Variants in CDK11A observed in about 807,000 individuals in gnomAD.
CDK11A encodes the protein cyclin dependent kinase 11A.
Under a neutral mutation model 83.6 loss-of-function variants are expected in CDK11A, and 55 were observed. That is an observed-to-expected ratio of 0.66 (90% CI 0.53 to 0.82). The LOEUF (loss-of-function observed/expected upper bound fraction) is 0.82. Among genes scored for constraint, CDK11A ranks in the 40% least tolerant of loss-of-function variants. The probability of loss-of-function intolerance (pLI) is 0.00; values close to 1 mark genes in which losing one functional copy is unlikely to be tolerated. For synonymous variants in CDK11A, 247 were observed against 302.7 expected (o/e 0.82, Z 1.91); for missense variants, 564 against 810.1 (o/e 0.70, Z 3.69).
chr1:1,703,799 G>C (rs745860210), intron 17 of CDK11A, 25 bp downstream of exon 17: 1 of 1,608,134 alleles, frequency 6.2e-7, no homozygotes, highest in South Asian at 1.1e-5. Flanking sequence ...AATCCATAGC[G>C]CACCTGCGGC....
Position 1,722,728 on chromosome 1 carries a change from C to T in CDK11A, c.91G>A (p.Glu31Lys). 6.5e-7 allele frequency: 1 copy of T among 1,539,056 alleles called. No individual in the cohort carries two copies. The highest frequency in any genetic ancestry group is 8.8e-7 in the Non-Finnish European group (1 of 1,141,600). The change falls in exon 2 of 20, where the codon GAG (glutamate) becomes AAG (lysine). Residue 31 changes from glutamate to lysine, a missense_variant. Glu to Lys is a moderately conservative substitution (Grantham distance 56). Coordinates refer to ENST00000404249, the MANE Select transcript of CDK11A (RefSeq NM_024011.4). ...CTTACATTTTTTAAGCGTTTTATCT[C>T]TGCTTTCTCCTCTTGTTCCTTCCTT... ...KRRKEQEEKAEIKRLKNSDDR... is the reference protein window; with the variant it reads ...KRRKEQEEKAKIKRLKNSDDR...
chr1:1,717,052 A>T (rs1368237810), intron 4 of CDK11A, among the ~76,000 whole-genome samples: 1 of 118,116 alleles, frequency 8.5e-6, no homozygotes, highest in African/African-American at 2.8e-5. Context: ...CACTGCACCC[A>T]GTCGAATAAT....
chr1:1,702,872 C>G lies in CDK11A; in HGVS notation c.*35G>C. The G allele has an allele frequency of 2.7e-6, 1 of 366,426 alleles. No homozygotes were observed. The highest frequency in any genetic ancestry group is 2.7e-5 in the South Asian group (1 of 37,336). The allele number at this position is 366,426 out of a possible 1,614,324, so 22.7% of individuals were successfully genotyped here. ...GCAGTAGCCACGCCTGTGGTCCCGG[C>G]TGAGTTCTCCCCATGACGGGGTCCA... On this transcript the variant is annotated 3_prime_UTR_variant, in exon 20 of 20. Coordinates refer to ENST00000404249, the MANE Select transcript of CDK11A (RefSeq NM_024011.4).
chr1:1,721,453 C>T (rs1644903190), intron 3 of CDK11A, 143 bp downstream of exon 3: 3 of 920,354 alleles, frequency 3.3e-6, no homozygotes, highest in East Asian at 2.7e-5. Flanking sequence ...ACAACAGCTA[C>T]AACACGCCCT....
Position 1,705,681 on chromosome 1 carries a change from T to G in CDK11A, c.1297A>C (p.Thr433Pro). ...FQCLNRIEEG[T>P]YGVVYRAKDK... ...TTTGCTCTGTAGACCACTCCATAGG[T>G]GCCCTCCTCGATCCTGTTCAGGCAC... The change falls in exon 12 of 20, where the codon ACC (threonine) becomes CCC (proline). Residue 433 changes from threonine (T) to proline (P), a missense_variant. Physicochemically the swap from Thr to Pro is conservative, Grantham distance 38. Around this residue, in one of 5 missense-constraint regions of CDK11A, gnomAD observed 361 missense variants for 402.7 expected, o/e 0.90. Coordinates refer to ENST00000404249, the MANE Select transcript of CDK11A (RefSeq NM_024011.4). The G allele has an allele frequency of 1.6e-6, 1 of 632,972 alleles. No individual in the cohort carries two copies. The highest frequency in any genetic ancestry group is 2.6e-6 in the Non-Finnish European group (1 of 386,866). The allele number at this position is 632,972 out of a possible 1,614,324, so 39.2% of individuals were successfully genotyped here. A position where few individuals can be genotyped will look rare whatever the true frequency, so the allele number is the denominator to read the frequency against.
In CDK11A at chr1:1,704,708, C is replaced by G; in HGVS notation, c.1459-53G>C. The G allele has an allele frequency of 1.9e-6, 3 of 1,597,236 alleles. No homozygotes were observed. The South Asian group carries it at 3.4e-5, about 18-fold the overall frequency. On this transcript the variant is annotated intron_variant, in intron 13 of 19. Transcript: ENST00000404249. Reference sequence around the variant, plus strand: ...GGCACCTCCAGGCCCCCACCCACCCCTGCACCCGGGCGCAGATGCTGAGGG... The same window carrying G: ...GGCACCTCCAGGCCCCCACCCACCCGTGCACCCGGGCGCAGATGCTGAGGG...
intron 5 of CDK11A, among the ~76,000 whole-genome samples, chr1:1,714,684 A>C (rs1420180174): frequency 5.4e-5 from 7 of 130,360 alleles, no homozygotes; most frequent in African/African-American, 1.9e-4. Flanking sequence ...GGCTGGGCTC[A>C]AATACCTCGA....
Position 1,704,223 on chromosome 1 carries a change from C to A in CDK11A, c.1686G>T (p.Lys562Asn), listed in dbSNP as rs1455583853. The A allele has an allele frequency of 6.2e-7, 1 of 1,608,442 alleles. No homozygotes were observed. The highest frequency in any genetic ancestry group is 1.7e-5 in the Admixed American group (1 of 59,820). ...ATGGGCCACTCGGAGGGGGGCTCAC[C>A]TTGAGGATGCCGGCGTGGCTCAGCA... The part of the protein sequence containing the change: ...NLLLSHAGIL[K>N]VGDFGLAREY... The change falls in exon 15 of 20, where the codon AAG becomes AAT. Residue 562 changes from lysine to asparagine, a missense_variant and splice_region_variant. By Grantham distance (94) the Lys-to-Asn change is moderately conservative. Around this residue, in one of 5 missense-constraint regions of CDK11A, gnomAD observed 361 missense variants for 402.7 expected, o/e 0.90. Coordinates refer to ENST00000404249, the MANE Select transcript of CDK11A (RefSeq NM_024011.4).
Position 1,704,294 on chromosome 1 carries a change from G to A in CDK11A, c.1615C>T (p.His539Tyr). 1 of 1,607,836 alleles carries A rather than the reference G, an allele frequency of 6.2e-7. No individual in the cohort carries two copies. Among genetic ancestry groups the A allele is most frequent in the East Asian group, 2.2e-5 (1 of 44,774 alleles). ...IQLLRGVKHL[H>Y]DNWILHRDLK... ...TCACGGTGCAGGATCCAGTTGTCGT[G>A]CAGGTGTTTCACCCCCCGCAGCAGC... The change falls in exon 15 of 20, where the codon CAC (histidine) becomes TAC (tyrosine). Residue 539 changes from histidine to tyrosine, a missense_variant. His to Tyr is a moderately conservative substitution (Grantham distance 83). Transcript: ENST00000404249.
rs574355501 is a variant in CDK11A at position 1,704,234 on chromosome 1, C to T, written c.1675G>A (p.Gly559Ser). Reference sequence around the variant, plus strand: ...GGAGGGGGGCTCACCTTGAGGATGCCGGCGTGGCTCAGCAGCAGGTTGGAC... The same window carrying T: ...GGAGGGGGGCTCACCTTGAGGATGCTGGCGTGGCTCAGCAGCAGGTTGGAC... Reference protein sequence around the residue: ...KTSNLLLSHAGILKVGDFGLA... With the variant: ...KTSNLLLSHASILKVGDFGLA... Residue 559 changes from glycine to serine, a missense_variant, in exon 15 of 20, where the codon GGC becomes AGC. Physicochemically the swap from Gly to Ser is moderately conservative, Grantham distance 56. Coordinates refer to ENST00000404249, the MANE Select transcript of CDK11A (RefSeq NM_024011.4). 1.7e-5 allele frequency: 28 copies of T among 1,608,382 alleles called. 1 individual carries two copies. Among genetic ancestry groups the T allele is most frequent in the African/African-American group, 1.3e-4 (10 of 74,534 alleles).
rs1458277304 is a variant in CDK11A, at chr1:1,708,369, G to A, written c.1004-124C>T. ...AAGAATGGATATGGAGGCTGGGCGC[G>A]GTGGCTCACGCCTGTAATCCCAGTG... On this transcript the variant is annotated intron_variant, in intron 9 of 19. Coordinates refer to ENST00000404249, the MANE Select transcript of CDK11A (RefSeq NM_024011.4). The A allele has an allele frequency of 3.6e-5, 52 of 1,429,912 alleles. 1 individual carries two copies. The Admixed American group carries it at 6.2e-4, about 17-fold the overall frequency. The allele number at this position is 1,429,912 out of a possible 1,614,324, so 88.6% of individuals were successfully genotyped here. A position where few individuals can be genotyped will look rare whatever the true frequency, so the allele number is the denominator to read the frequency against.
At chr1:1,703,394 G>A in intron 18 of CDK11A, 82 bp downstream of exon 18, 1 of 1,195,166 alleles carries the variant, frequency 8.4e-7, no homozygotes, top group Non-Finnish European at 1.1e-6. Flanking sequence ...TCTGGAACGT[G>A]GTGAGCCAGC....
chr1:1,721,663 T>G lies in CDK11A; in HGVS notation c.160A>C (p.Arg54=), dbSNP rs1376485802. ...ATTGTGATCTCCATGCAGTGATCTC[T>G]CAGCTCCCCCTCCTCAAGGGAATCC... ...KRDSLEEGEL[R]DHCMEITIRN... Residue 54 remains arginine, a synonymous_variant, in exon 3 of 20, where the codon AGA becomes CGA. Transcript: ENST00000404249. 1 of 1,601,276 alleles carries G rather than the reference T, an allele frequency of 6.2e-7. No individual in the cohort carries two copies. The highest frequency in any genetic ancestry group is 1.7e-5 in the Admixed American group (1 of 59,734).
rs201741924 is a variant in CDK11A, at chr1:1,719,500, G to A, written c.228-45C>T. ...CACTGCGTCATGCTTGAGAAAGTGC[G>A]GAAAAGCATCAGGCTATTATGAGGT... On this transcript the variant is annotated intron_variant, in intron 3 of 19. Coordinates refer to ENST00000404249, the MANE Select transcript of CDK11A (RefSeq NM_024011.4). 43 of 1,358,772 alleles carry A rather than the reference G, an allele frequency of 3.2e-5. 1 individual carries two copies. Among genetic ancestry groups the A allele is most frequent in the African/African-American group, 6.0e-5 (4 of 66,490 alleles). 84.2% of individuals were successfully genotyped at this position (1,358,772 alleles called of 1,614,324 possible).
chr1:1,704,875 G>A lies in CDK11A; in HGVS notation c.1458+29C>T, dbSNP rs776019690. 6.3e-5 allele frequency: 102 copies of A among 1,606,658 alleles called. 1 individual carries two copies. In the East Asian group the frequency reaches 9.8e-4, roughly 15 times the overall value. On this transcript the variant is annotated intron_variant, in intron 13 of 19. Transcript: ENST00000404249. ...GCCCTGTCGGAAAAGCCTTCCACCCGGGGCCAGGCGTGGTGGGGCCATGCT... is the reference window on the plus strand; with the variant it reads ...GCCCTGTCGGAAAAGCCTTCCACCCAGGGCCAGGCGTGGTGGGGCCATGCT...
chr1:1,704,332 G>T lies in CDK11A; in HGVS notation c.1577C>A (p.Thr526Asn). 1 of 1,607,352 alleles carries T rather than the reference G, an allele frequency of 6.2e-7. No individual in the cohort carries two copies. The highest frequency in any genetic ancestry group is 1.1e-5 in the South Asian group (1 of 90,582). Residue 526 changes from threonine (T) to asparagine (N), a missense_variant, in exon 15 of 20, where the codon ACC becomes AAC. Thr to Asn is a moderately conservative substitution (Grantham distance 65, BLOSUM62 0). This residue lies in a region of CDK11A where 361 missense variants were observed against 402.7 expected (regional missense o/e 0.90). Coordinates refer to ENST00000404249, the MANE Select transcript of CDK11A (RefSeq NM_024011.4). The stretch of plus-strand genomic sequence containing the variant: ...CCCCCGCAGCAGCTGGATCATCAGG[G>T]TCTTCACCTCCCCTGGGAGGGAGGG... ...KQPFLPGEVK[T>N]LMIQLLRGVK... is the part of the protein sequence containing the mutation.
chr1:1,706,874 C>T lies in CDK11A; in HGVS notation c.1245+535G>A, dbSNP rs565031314. ...AGGAGGGGGCCGAGTCCCTGCCGGTCTCCCAGGCCCCCGAGGCCACTGGTA... is the reference window on the plus strand; with the variant it reads ...AGGAGGGGGCCGAGTCCCTGCCGGTTTCCCAGGCCCCCGAGGCCACTGGTA... On this transcript the variant is annotated intron_variant, in intron 11 of 19. Coordinates refer to ENST00000404249, the MANE Select transcript of CDK11A (RefSeq NM_024011.4). 3.3e-5 allele frequency among the ~76,000 whole-genome samples: 5 copies of T among 149,684 alleles called. No homozygotes were observed. In the East Asian group the frequency reaches 9.8e-4, roughly 29 times the overall value.
intron 5 of CDK11A, among the ~76,000 whole-genome samples, chr1:1,715,648 C>T (rs1416604408): frequency 6.6e-6 from 1 of 150,850 alleles, no homozygotes; most frequent in Non-Finnish European, 1.5e-5. Flanking sequence ...GTACCCAGCC[C>T]TGGCTGCTGG....
rs769400304 is a variant in CDK11A at position 1,704,917 on chromosome 1, A to T, written c.1445T>A (p.Ile482Asn). 1.3e-6 allele frequency: 2 copies of T among 1,593,886 alleles called. No individual in the cohort carries two copies. The highest frequency in any genetic ancestry group is 2.3e-5 in the South Asian group (2 of 87,958). ...NTILKAQHPN[I>N]VTVREIVVGS... ...GGCCATGCTCACTCTAACGGTGACA[A>T]TGTTGGGATGCTGGGCCTTGAGGAT... The change falls in exon 13 of 20, where the codon ATT becomes AAT. Residue 482 changes from isoleucine to asparagine, a missense_variant. Ile to Asn is a moderately radical substitution (Grantham distance 149). This residue lies in a region of CDK11A where 361 missense variants were observed against 402.7 expected (regional missense o/e 0.90). Coordinates refer to ENST00000404249, the MANE Select transcript of CDK11A (RefSeq NM_024011.4).
Sources: allele counts gnomAD v4.1 joint callset (sites outside exome capture counted in the v4.1 genomes callset), GRCh38; gene constraint gnomAD v4.1.1; regional missense constraint gnomAD v4.1.1; transcripts MANE v1.5; gene names NCBI Gene and HGNC (gene_info 2026-07-23, HGNC 2026-07-21).